The following EPM2A variants were observed in gnomAD, a reference collection of about 807,000 sequenced individuals.
The protein encoded by EPM2A is laforin.
Under a neutral mutation model 26.5 loss-of-function variants are expected in EPM2A, and 21 were observed. That is an observed-to-expected ratio of 0.79 (90% confidence interval 0.56 to 1.14). EPM2A has a LOEUF of 1.14. Ranked by LOEUF, EPM2A falls within the 50% of genes most tolerant of loss-of-function variation. The pLI is 0.00. For synonymous variants in EPM2A, 217 were observed against 177.6 expected, an observed-to-expected ratio of 1.22 and a Z score of -1.76; for missense variants, 458 against 440.8, an observed-to-expected ratio of 1.04 and a Z score of -0.35.
chr6:145,510,357 A>C (rs1780038341), intron 2 of EPM2A, among the ~76,000 whole-genome samples: 1 of 152,154 alleles, frequency 6.6e-6, no homozygotes, highest in Non-Finnish European at 1.5e-5. Context: ...GCAAGTCCTC[A>C]TGAATTAAAA....
In EPM2A at chr6:145,627,156, A is replaced by T; in HGVS notation, c.*260T>A. The stretch of plus-strand genomic sequence containing the variant: ...CCTGCAGGCAGCAGGAACTGCACGC[A>T]TTACCCTTCTGTCTGATGTACAGCC... On this transcript the variant is annotated 3_prime_UTR_variant, in exon 4 of 4. Coordinates refer to ENST00000367519, the MANE Select transcript of EPM2A (RefSeq NM_005670.4). 7.3e-7 allele frequency: 1 copy of T among 1,379,206 alleles called. No homozygotes were observed. Among genetic ancestry groups the T allele is most frequent in the South Asian group, 1.5e-5 (1 of 65,552 alleles). The allele number at this position is 1,379,206 out of a possible 1,614,324, so 85.4% of individuals were successfully genotyped here.
Position 145,627,581 on chromosome 6 carries a change from G to A in EPM2A, c.831C>T (p.Val277=). 1 of 1,614,242 alleles carries A rather than the reference G, an allele frequency of 6.2e-7. No homozygotes were observed. Among genetic ancestry groups the A allele is most frequent in the Non-Finnish European group, 8.5e-7 (1 of 1,180,050 alleles). ...NAGVGRSTAA[V]CGWLQYVMGW... is the part of the protein sequence containing the mutation. ...CCATCACATACTGGAGCCAGCCGCA[G>A]ACAGCCGCGGTGGAGCGGCCCACCC... is the stretch of plus-strand genomic sequence containing the variant. The change falls in exon 4 of 4, where the codon GTC becomes GTT. Residue 277 remains valine (V), a synonymous_variant. Coordinates refer to ENST00000367519, the MANE Select transcript of EPM2A (RefSeq NM_005670.4).
intron 1 of EPM2A, chr6:145,705,909 G>A (rs2128628688): frequency 2.2e-6 from 1 of 456,840 alleles, no homozygotes; most frequent in South Asian, 1.5e-5. Context: ...ATATACCAAG[G>A]AAAGATGGTG....
intron 4 of EPM2A, among the ~76,000 whole-genome samples, chr6:145,475,975 G>A (rs1051721714): frequency 5.8e-4 from 88 of 152,040 alleles, no homozygotes; most frequent in African/African-American, 2.0e-3. Flanking sequence ...TCAATCAAAA[G>A]ACAGAGACTG....
At chr6:145,559,672 C>T (rs999307247) in intron 2 of EPM2A, among the ~76,000 whole-genome samples, 6 of 138,726 alleles carry the variant, frequency 4.3e-5, no homozygotes, top group Non-Finnish European at 7.8e-5. Context: ...ATACTTTCTC[C>T]TTTTTTTTTT....
At chr6:145,458,405 A>C (rs747778236) in intron 4 of EPM2A, among the ~76,000 whole-genome samples, 1 of 152,218 alleles carries the variant, frequency 6.6e-6, no homozygotes, top group Non-Finnish European at 1.5e-5. Context: ...AGGGGCTCAC[A>C]GGCAGAGAAC....
rs191356359 is a variant in EPM2A at position 145,654,859 on chromosome 6, T to A, written c.477-19373A>T. ...CCTGAAGTTTTAGTTAATATTTCTG[T>A]GTTTCTAGATTCTCTTACTTCACTT... On this transcript the variant is annotated intron_variant, in intron 2 of 3. Transcript: ENST00000367519. Among the ~76,000 whole-genome samples the A allele has an allele frequency of 1.8e-4, 27 of 152,322 alleles. No homozygotes were observed. In the East Asian group the frequency reaches 5.2e-3, roughly 29 times the overall value.
Position 145,586,180 on chromosome 6 carries a change from C to T in EPM2A, c.340+49065G>A, listed in dbSNP as rs79969249. On this transcript the variant is annotated intron_variant, in intron 2 of 3. Transcript: ENST00000450221. ...TTGGTAAACTGCAGTAGTCAATGGG[C>T]TCAAGTCATTTGCTTCTCATCCCTT... is the stretch of plus-strand genomic sequence containing the variant. Among the ~76,000 whole-genome samples, 333 of 152,296 alleles carry T rather than the reference C, an allele frequency of 2.2e-3. 6 individuals are homozygous for T. In the East Asian group the frequency reaches 0.031, roughly 14 times the overall value.
At chr6:145,702,961 A>C (rs141131948) in intron 1 of EPM2A, among the ~76,000 whole-genome samples, 1 of 152,360 alleles carries the variant, frequency 6.6e-6, no homozygotes, top group Non-Finnish European at 1.5e-5. Context: ...GTAAGAGTTA[A>C]CTTTTATTAA....
intron 1 of EPM2A, among the ~76,000 whole-genome samples, chr6:145,724,116 T>C (rs1445558589): frequency 6.6e-6 from 1 of 152,022 alleles, no homozygotes. Context: ...CTAACCTTCC[T>C]AGAGACCTGC....
intron 1 of EPM2A, among the ~76,000 whole-genome samples, chr6:145,722,568 T>C (rs143708265): frequency 0.011 from 1,651 of 152,314 alleles, 13 homozygotes; most frequent in Admixed American, 0.017. Context: ...TGGAAGGGAA[T>C]ACTAAATCAT....
At chr6:145,654,902 T>C (rs1179292656) in intron 2 of EPM2A, among the ~76,000 whole-genome samples, 2 of 152,220 alleles carry the variant, frequency 1.3e-5, no homozygotes, top group South Asian at 2.1e-4. Flanking sequence ...GTTGAACTTG[T>C]ACAAATTTGG....
At chr6:145,514,511 T>C (rs1780098586) in intron 2 of EPM2A, among the ~76,000 whole-genome samples, 1 of 152,150 alleles carries the variant, frequency 6.6e-6, no homozygotes, top group African/African-American at 2.4e-5. Context: ...AACTGTGGAT[T>C]CAGTGTGTTA....
At chr6:145,667,871 G>A (rs910696748) in intron 2 of EPM2A, among the ~76,000 whole-genome samples, 1 of 150,730 alleles carries the variant, frequency 6.6e-6, no homozygotes, top group African/African-American at 2.5e-5. Flanking sequence ...GTAGGGACGT[G>A]GATGAAATTG....
intron 2 of EPM2A, among the ~76,000 whole-genome samples, chr6:145,663,900 T>C (rs1484988272): frequency 1.2e-5 from 1 of 81,446 alleles, no homozygotes; most frequent in Non-Finnish European, 2.4e-5. Flanking sequence ...CAGAATTTCA[T>C]ATCCAGCCAA....
chr6:145,735,677 C>G, upstream of EPM2A: 7 of 1,069,342 alleles, frequency 6.5e-6, no homozygotes, highest in East Asian at 6.0e-5. Context: ...GCCCAGACTT[C>G]GTCCAGGCCG....
intron 2 of EPM2A, among the ~76,000 whole-genome samples, chr6:145,526,575 T>C (rs1332689885): frequency 1.3e-5 from 2 of 152,124 alleles, no homozygotes; most frequent in African/African-American, 4.8e-5. Flanking sequence ...CTAATTTGTC[T>C]GCACAGAGGA....
chr6:145,617,978 T>A (rs1408159454), intron 2 of EPM2A, among the ~76,000 whole-genome samples: 3 of 152,138 alleles, frequency 2.0e-5, no homozygotes, highest in Admixed American at 1.3e-4. Flanking sequence ...CATAATAAAA[T>A]ACACATTAGA....
At chr6:145,491,857 A>AT (rs781179441) in intron 4 of EPM2A, 35 of 516,668 alleles carry the variant, frequency 6.8e-5, no homozygotes, top group Non-Finnish European at 1.3e-4. Context: ...ACAAAAGGTC[A>AT]TTTTACCAAC....
Sources: allele counts gnomAD v4.1 joint callset (sites outside exome capture counted in the v4.1 genomes callset), GRCh38; gene constraint gnomAD v4.1.1; transcripts MANE v1.5; gene names NCBI Gene and HGNC (gene_info 2026-07-23, HGNC 2026-07-21).